Variants in ADGRB3 observed in about 807,000 individuals in gnomAD.
ADGRB3 encodes adhesion G protein-coupled receptor B3, also known as brain-specific angiogenesis inhibitor 3.
A neutral mutation model predicts 193.4 loss-of-function variants in ADGRB3; 37 were observed. The observed-to-expected ratio is 0.19, with a 90% confidence interval of 0.15 to 0.25. The LOEUF (loss-of-function observed/expected upper bound fraction) is 0.25. ADGRB3 is among the 10% of genes least tolerant of loss of function. The pLI, the probability that ADGRB3 is intolerant of heterozygous loss-of-function variation, is 1.00. For missense variants in ADGRB3, 1,637 were observed against 1,852.9 expected (o/e 0.88, Z 2.14); for synonymous variants, 690 against 644.2 (o/e 1.07, Z -1.08).
intron 3 of ADGRB3, among the ~76,000 whole-genome samples, chr6:68,657,788 T>C (rs1174033425): frequency 6.6e-6 from 1 of 151,460 alleles, no homozygotes; most frequent in Non-Finnish European, 1.5e-5. Flanking sequence ...TTTGTATAGA[T>C]CTTTGCTTAA....
At chr6:69,232,160 G>T (rs1311039403) in intron 17 of ADGRB3, among the ~76,000 whole-genome samples, 2 of 152,160 alleles carry the variant, frequency 1.3e-5, no homozygotes, top group Non-Finnish European at 2.9e-5. Flanking sequence ...ACACATACAG[G>T]TTTGCTAGCT....
At position 69,129,882 on chromosome 6, in the gene ADGRB3, C is replaced by T. The variant is rs1773957642; in HGVS notation, c.2480+53844C>T. ...ATCAGTCCTCTCCTGGAATATCTTT[C>T]CTAGACTCTGTTTCATTACCTTTTC... On this transcript the variant is annotated intron_variant, in intron 17 of 31. Coordinates refer to ENST00000370598, the MANE Select transcript of ADGRB3 (RefSeq NM_001704.3). 2.0e-5 allele frequency among the ~76,000 whole-genome samples: 3 copies of T among 152,202 alleles called. 1 individual carries two copies. The highest frequency in any genetic ancestry group is 2.1e-4 in the South Asian group (1 of 4,824).
At chr6:68,652,692 T>C (rs1189074452) in intron 3 of ADGRB3, among the ~76,000 whole-genome samples, 1 of 152,184 alleles carries the variant, frequency 6.6e-6, no homozygotes, top group Non-Finnish European at 1.5e-5. Context: ...ATAAATGTAA[T>C]ACATTTGGGT....
At chr6:68,680,996 C>G (rs1764884396) in intron 3 of ADGRB3, among the ~76,000 whole-genome samples, 1 of 152,084 alleles carries the variant, frequency 6.6e-6, no homozygotes. Flanking sequence ...AGTCTGCAAG[C>G]TGTACCAGAA....
chr6:68,717,010 G>A (rs1050658464), intron 3 of ADGRB3, among the ~76,000 whole-genome samples: 26 of 151,406 alleles, frequency 1.7e-4, no homozygotes, highest in African/African-American at 5.3e-4. Context: ...CATTTCTCAC[G>A]TAGGAGCTTA....
At chr6:69,309,379 C>T (rs551765896) in intron 20 of ADGRB3, among the ~76,000 whole-genome samples, 8 of 151,632 alleles carry the variant, frequency 5.3e-5, no homozygotes, top group East Asian at 2.0e-4. Flanking sequence ...CCTTATTTGC[C>T]GTAGTCATGC....
intron 3 of ADGRB3, among the ~76,000 whole-genome samples, chr6:68,680,532 C>T (rs181567284): frequency 5.3e-4 from 81 of 152,168 alleles, no homozygotes; most frequent in African/African-American, 1.8e-3. Flanking sequence ...AGCTGGTTAA[C>T]CTTGCTGAGA....
intron 20 of ADGRB3, among the ~76,000 whole-genome samples, chr6:69,283,116 G>C (rs568341132): frequency 1.1e-4 from 17 of 152,282 alleles, no homozygotes; most frequent in African/African-American, 4.1e-4. Flanking sequence ...GTCAGAAGTG[G>C]AATAAAAGAA....
At chr6:69,199,839 T>G (rs1007943139) in intron 17 of ADGRB3, among the ~76,000 whole-genome samples, 2 of 152,108 alleles carry the variant, frequency 1.3e-5, no homozygotes, top group Non-Finnish European at 2.9e-5. Flanking sequence ...AGAGTAATAA[T>G]AGTGACCCTC....
At chr6:68,730,326 C>G (rs1420166295) in intron 3 of ADGRB3, among the ~76,000 whole-genome samples, 1 of 151,438 alleles carries the variant, frequency 6.6e-6, no homozygotes, top group African/African-American at 2.4e-5. Flanking sequence ...AGGGGAATAA[C>G]ACTTTATGTA....
At chr6:68,790,978 G>T (rs1767094646) in intron 3 of ADGRB3, among the ~76,000 whole-genome samples, 1 of 150,696 alleles carries the variant, frequency 6.6e-6, no homozygotes, top group East Asian at 1.9e-4. Context: ...CTACTTGGGA[G>T]ACTGAGGAGA....
At chr6:68,921,109 G>C (rs1417377402) in intron 3 of ADGRB3, among the ~76,000 whole-genome samples, 1 of 152,158 alleles carries the variant, frequency 6.6e-6, no homozygotes, top group South Asian at 2.1e-4. Context: ...AAAATAAACA[G>C]CAAGAAAACA....
intron 10 of ADGRB3, among the ~76,000 whole-genome samples, chr6:68,978,931 G>A (rs1287115283): frequency 2.0e-5 from 3 of 151,072 alleles, no homozygotes; most frequent in Non-Finnish European, 4.4e-5. Flanking sequence ...CAATATATGT[G>A]TATACCTACT....
chr6:69,134,140 G>A (rs576317938), intron 17 of ADGRB3, among the ~76,000 whole-genome samples: 9 of 152,104 alleles, frequency 5.9e-5, no homozygotes, highest in Non-Finnish European at 1.2e-4. Context: ...TGCAGCACAA[G>A]GATTTAAATG....
intron 15 of ADGRB3, among the ~76,000 whole-genome samples, chr6:69,060,233 T>C (rs912563457): frequency 6.6e-6 from 1 of 151,090 alleles, no homozygotes; most frequent in Non-Finnish European, 1.5e-5. Flanking sequence ...TCTCTCTCTC[T>C]CTCTCTCTCT....
intron 3 of ADGRB3, among the ~76,000 whole-genome samples, chr6:68,658,086 T>C (rs1167148065): frequency 6.6e-6 from 1 of 151,412 alleles, no homozygotes; most frequent in Non-Finnish European, 1.5e-5. Context: ...GTGTGTCAGA[T>C]AAAATTTTAA....
In ADGRB3 at chr6:69,389,059, TG is replaced by T; in HGVS notation, c.*170del. 4.8e-6 allele frequency: 3 copies of T among 626,516 alleles called. No homozygotes were observed. The highest frequency in any genetic ancestry group is 8.0e-6 in the Non-Finnish European group (3 of 373,798). The allele number at this position is 626,516 out of a possible 1,614,324, so 38.8% of individuals were successfully genotyped here. Reference sequence around the variant, plus strand: ...GGTAACTTCTCACTAGTCAGGCTAGTGGAGAGATGACCAGGTGTACAGTTCT... The same window carrying T: ...GGTAACTTCTCACTAGTCAGGCTAGTGAGAGATGACCAGGTGTACAGTTCT... On this transcript the variant is annotated 3_prime_UTR_variant, in exon 32 of 32. Transcript: ENST00000370598.
At chr6:68,694,598 A>T (rs2082269925) in intron 3 of ADGRB3, among the ~76,000 whole-genome samples, 2 of 151,592 alleles carry the variant, frequency 1.3e-5, no homozygotes, top group Non-Finnish European at 2.9e-5. Context: ...TATTTTTCCT[A>T]TTGTTTACCT....
chr6:69,239,323 T>G (rs1766337066), intron 20 of ADGRB3, 97 bp downstream of exon 20: 1 of 859,138 alleles, frequency 1.2e-6, no homozygotes, highest in Admixed American at 2.7e-5. Flanking sequence ...AATGGAGAAC[T>G]TCTGACAAAA....
Sources: gnomAD v4.1 joint callset for allele counts (sites outside exome capture counted in the v4.1 genomes callset) on GRCh38, gnomAD v4.1.1 for gene constraint, MANE v1.5 for transcripts, NCBI Gene and HGNC (gene_info 2026-07-23, HGNC 2026-07-21) for gene names.